SPEF2: variants seen among roughly 807,000 people sequenced by gnomAD.
SPEF2 encodes the protein sperm flagella and cilia-associated protein 2.
In SPEF2, 187 loss-of-function variants were observed where a neutral mutation model predicts 224.6. That is an observed-to-expected ratio of 0.83 (90% CI 0.74 to 0.94). SPEF2 has a LOEUF of 0.94. Among genes scored for constraint, SPEF2 ranks in the 40% least tolerant of loss-of-function variants. The pLI, the probability that SPEF2 is intolerant of heterozygous loss-of-function variation, is 0.00. For missense variants in SPEF2, 2,170 were observed against 2,135.6 expected, an observed-to-expected ratio of 1.02 and a Z score of -0.32; for synonymous variants, 715 against 707.3, an observed-to-expected ratio of 1.01 and a Z score of -0.17.
At chr5:35,812,625 C>T (rs566349719) in intron 36 of SPEF2, among the ~76,000 whole-genome samples, 73 of 152,048 alleles carry the variant, frequency 4.8e-4, no homozygotes, top group Non-Finnish European at 1.0e-3. Context: ...TTGTGATGAA[C>T]GCAGGCTCAA....
chr5:35,659,742 A>T (rs1433570430), intron 8 of SPEF2, among the ~76,000 whole-genome samples: 1 of 151,922 alleles, frequency 6.6e-6, no homozygotes, highest in Admixed American at 6.6e-5. Context: ...TTTTTTTTAG[A>T]TACTTTTTTT....
chr5:35,709,467 A>T, intron 19 of SPEF2: 1 of 1,015,390 alleles, frequency 9.8e-7, no homozygotes, highest in Non-Finnish European at 1.2e-6. Context: ...AGTTACATTT[A>T]TGTAATGAGT....
At chr5:35,747,827 C>T (rs577172456) in intron 23 of SPEF2, among the ~76,000 whole-genome samples, 1 of 152,242 alleles carries the variant, frequency 6.6e-6, no homozygotes, top group East Asian at 1.9e-4. Context: ...TTGCTTGGAA[C>T]AAATGGACTT....
In SPEF2 at chr5:35,709,114, T is replaced by G; in HGVS notation, c.2832T>G (p.Pro944=). The G allele has an allele frequency of 6.2e-7, 1 of 1,611,380 alleles. No individual in the cohort carries two copies. Among genetic ancestry groups the G allele is most frequent in the Non-Finnish European group, 8.5e-7 (1 of 1,179,500 alleles). The stretch of plus-strand genomic sequence containing the variant: ...AAACTCCTACTGCAAAAGGAAAACC[T>G]CAATCAGGTGATTGACAGAATGATT... ...ASKTPTAKGK[P]QSEAPHGKQE... Residue 944 remains proline, a synonymous_variant, in exon 19 of 37, where the codon CCT becomes CCG. Transcript: ENST00000356031.
chr5:35,719,359 G>T (rs915999686), intron 20 of SPEF2, among the ~76,000 whole-genome samples: 2 of 152,118 alleles, frequency 1.3e-5, no homozygotes, highest in Non-Finnish European at 2.9e-5. Flanking sequence ...AATCATCACA[G>T]GACTGAATGG....
chr5:35,788,965 T>A (rs565093230), intron 30 of SPEF2: 2 of 703,098 alleles, frequency 2.8e-6, no homozygotes, highest in South Asian at 3.0e-5. Flanking sequence ...AGTGGCTTCA[T>A]GGATTACAGG....
At chr5:35,760,088 G>A (rs541253211) in intron 25 of SPEF2, among the ~76,000 whole-genome samples, 11 of 152,228 alleles carry the variant, frequency 7.2e-5, no homozygotes, top group Admixed American at 2.0e-4. Flanking sequence ...TCCGCCAGGC[G>A]CGGTGGCTCA....
intron 4 of SPEF2, among the ~76,000 whole-genome samples, chr5:35,645,595 G>A (rs1218711383): frequency 6.6e-6 from 1 of 152,136 alleles, no homozygotes; most frequent in Non-Finnish European, 1.5e-5. Context: ...GATAAAGAGA[G>A]AAAGCACTCT....
At chr5:35,720,691 A>G (rs1743483610) in intron 20 of SPEF2, among the ~76,000 whole-genome samples, 1 of 152,198 alleles carries the variant, frequency 6.6e-6, no homozygotes, top group Non-Finnish European at 1.5e-5. Flanking sequence ...AATTTTAGAA[A>G]TTTTATACAG....
intron 28 of SPEF2, among the ~76,000 whole-genome samples, chr5:35,775,378 A>G (rs983241974): frequency 1.3e-5 from 2 of 152,138 alleles, no homozygotes; most frequent in African/African-American, 2.4e-5. Flanking sequence ...AAGTTTTTCC[A>G]GGGGAAAAAT....
intron 33 of SPEF2, among the ~76,000 whole-genome samples, chr5:35,798,373 G>A (rs917878604): frequency 6.6e-6 from 1 of 152,118 alleles, no homozygotes; most frequent in Non-Finnish European, 1.5e-5. Context: ...TGTTGATCAA[G>A]CATGCAAGGC....
chr5:35,808,196 T>A, intron 36 of SPEF2: 1 of 921,222 alleles, frequency 1.1e-6, no homozygotes, highest in Non-Finnish European at 1.3e-6. Context: ...TATTAAATTA[T>A]TAATTAATAT....
chr5:35,692,320 A>C (rs1434582291), intron 11 of SPEF2, among the ~76,000 whole-genome samples: 1 of 152,146 alleles, frequency 6.6e-6, no homozygotes, highest in African/African-American at 2.4e-5. Context: ...CTGAGGCAGT[A>C]GAATTGCTTG....
At chr5:35,723,433 A>G (rs998958956) in intron 20 of SPEF2, among the ~76,000 whole-genome samples, 1 of 152,112 alleles carries the variant, frequency 6.6e-6, no homozygotes, top group Non-Finnish European at 1.5e-5. Flanking sequence ...TGTTTTAACG[A>G]GCCCACTAGA....
intron 23 of SPEF2, among the ~76,000 whole-genome samples, chr5:35,741,302 G>A (rs1449570987): frequency 1.3e-5 from 2 of 152,208 alleles, no homozygotes; most frequent in Non-Finnish European, 2.9e-5. Flanking sequence ...CTGAGAAGGC[G>A]ACATTTGAAC....
At chr5:35,771,389 G>T (rs1343578077) in intron 26 of SPEF2, among the ~76,000 whole-genome samples, 1 of 152,274 alleles carries the variant, frequency 6.6e-6, no homozygotes, top group Admixed American at 6.5e-5. Context: ...AAAGCGAGCA[G>T]CCTCCACATA....
At chr5:35,749,336 C>G (rs766994223) in intron 23 of SPEF2, among the ~76,000 whole-genome samples, 12 of 152,034 alleles carry the variant, frequency 7.9e-5, no homozygotes, top group Non-Finnish European at 1.8e-4. Context: ...CAACATAGTA[C>G]TGGAGGTCCT....
chr5:35,808,926 C>A (rs566569470), intron 36 of SPEF2, among the ~76,000 whole-genome samples: 1 of 150,566 alleles, frequency 6.6e-6, no homozygotes, highest in African/African-American at 2.4e-5. Flanking sequence ...TGTTTAGACA[C>A]GAAGCCTATG....
At chr5:35,619,037 T>A (rs903304343) in intron 1 of SPEF2, among the ~76,000 whole-genome samples, 2 of 152,172 alleles carry the variant, frequency 1.3e-5, no homozygotes, top group African/African-American at 4.8e-5. Context: ...TTTCTGTGGG[T>A]GCAAAGTAGT....
Sources: allele counts gnomAD v4.1 joint callset (sites outside exome capture counted in the v4.1 genomes callset), GRCh38; gene constraint gnomAD v4.1.1; transcripts MANE v1.5; gene names NCBI Gene and HGNC (gene_info 2026-07-23, HGNC 2026-07-21).